The following GLIS3 variants were observed in gnomAD, a reference collection of about 807,000 sequenced individuals.
The protein encoded by GLIS3 is zinc finger protein GLIS3.
Under a neutral mutation model 78.6 loss-of-function variants are expected in GLIS3, and 53 were observed. The observed-to-expected ratio is 0.67, with a 90% CI of 0.54 to 0.85. GLIS3 has a LOEUF of 0.85. Ranked by LOEUF, GLIS3 falls within the 40% of genes least tolerant of loss-of-function variation. The probability of loss-of-function intolerance (pLI) is 0.00; values close to 1 mark genes in which losing one functional copy is unlikely to be tolerated. For synonymous variants in GLIS3, 684 were observed against 509.9 expected (o/e 1.34, Z -4.60); for missense variants, 1,703 against 1,231.1 (o/e 1.38, Z -5.74).
At chr9:4,338,998 A>C (rs1817796367) in intron 2 of GLIS3, among the ~76,000 whole-genome samples, 1 of 152,220 alleles carries the variant, frequency 6.6e-6, no homozygotes, top group South Asian at 2.1e-4. Flanking sequence ...CTTACCCTTA[A>C]AACTATGTTG....
intron 8 of GLIS3, among the ~76,000 whole-genome samples, chr9:3,869,322 A>T (rs1358815213): frequency 6.6e-6 from 1 of 152,146 alleles, no homozygotes; most frequent in Non-Finnish European, 1.5e-5. Context: ...AGATACCAAC[A>T]TCGCTGATTA....
At chr9:4,077,706 T>G (rs1828199480) in intron 4 of GLIS3, among the ~76,000 whole-genome samples, 1 of 152,012 alleles carries the variant, frequency 6.6e-6, no homozygotes, top group South Asian at 2.1e-4. Context: ...GGGGGGTAAG[T>G]GAAGGAAAGA....
the GLIS3 span, among the ~76,000 whole-genome samples, chr9:4,480,200 CTTT>C: frequency 2.1e-5 from 2 of 93,874 alleles, no homozygotes; most frequent in African/African-American, 4.6e-5. Context: ...GCTGGGCTTT[CTTT>C]TTTTTTTTTT....
chr9:4,306,894 G>A (rs1192607471), intron 4 of GLIS3, among the ~76,000 whole-genome samples: 3 of 152,202 alleles, frequency 2.0e-5, no homozygotes, highest in East Asian at 1.9e-4. Flanking sequence ...TGAATTTAGG[G>A]CCCAACAGTT....
At chr9:3,899,859 C>T (rs990911663) in intron 6 of GLIS3, among the ~76,000 whole-genome samples, 4 of 152,154 alleles carry the variant, frequency 2.6e-5, no homozygotes, top group African/African-American at 7.2e-5. Context: ...TATACAACCT[C>T]AGATGGTGAT....
intron 4 of GLIS3, among the ~76,000 whole-genome samples, chr9:4,059,829 TGAGAGAGAGAGAGA>T (rs1004608610): frequency 6.9e-4 from 69 of 100,710 alleles, no homozygotes; most frequent in South Asian, 2.8e-3. Context: ...TGTGTGTGTG[TGAGAGAGAGAGAGA>T]GAGAGAGAGA....
At chr9:4,148,933 C>T (rs1273061125) in intron 2 of GLIS3, among the ~76,000 whole-genome samples, 1 of 152,064 alleles carries the variant, frequency 6.6e-6, no homozygotes, top group East Asian at 1.9e-4. Context: ...AAAGCTCGTC[C>T]CTATCAACAG....
chr9:4,153,697 A>G (rs1834849224), intron 2 of GLIS3, among the ~76,000 whole-genome samples: 1 of 152,230 alleles, frequency 6.6e-6, no homozygotes, highest in Admixed American at 6.5e-5. Context: ...TGAGTGGATG[A>G]AAAGAGATCA....
chr9:4,275,427 C>A (rs1165351569), intron 2 of GLIS3, among the ~76,000 whole-genome samples: 2 of 151,982 alleles, frequency 1.3e-5, no homozygotes, highest in African/African-American at 4.8e-5. Context: ...GATCTAAGAC[C>A]GTGGGGTCCT....
chr9:4,251,577 C>A (rs570625624), intron 2 of GLIS3, among the ~76,000 whole-genome samples: 9 of 152,020 alleles, frequency 5.9e-5, no homozygotes, highest in Non-Finnish European at 1.0e-4. Context: ...TGCCAATCTG[C>A]GTCTAATTGG....
At chr9:4,285,140 T>C (rs549514016) in intron 2 of GLIS3, among the ~76,000 whole-genome samples, 2 of 152,202 alleles carry the variant, frequency 1.3e-5, no homozygotes, top group Non-Finnish European at 2.9e-5. Context: ...ATTTTTAACA[T>C]AAACATTTAA....
chr9:4,303,596 C>G (rs544173921), upstream of GLIS3, among the ~76,000 whole-genome samples: 1 of 152,262 alleles, frequency 6.6e-6, no homozygotes, highest in African/African-American at 2.4e-5. Context: ...CAACATCATA[C>G]CTCTTTTCCT....
At chr9:3,986,733 T>G (rs1470448864) in intron 4 of GLIS3, among the ~76,000 whole-genome samples, 1 of 152,146 alleles carries the variant, frequency 6.6e-6, no homozygotes, top group Non-Finnish European at 1.5e-5. Context: ...CCCAGCAGCA[T>G]CCAATAAACT....
intron 4 of GLIS3, among the ~76,000 whole-genome samples, chr9:3,982,419 A>G (rs1819376938): frequency 6.6e-6 from 1 of 151,986 alleles, no homozygotes; most frequent in Non-Finnish European, 1.5e-5. Flanking sequence ...GCTCATTACA[A>G]CTCTAGTCAT....
intron 4 of GLIS3, among the ~76,000 whole-genome samples, chr9:4,056,658 A>C (rs1826177572): frequency 6.6e-6 from 1 of 152,118 alleles, no homozygotes. Flanking sequence ...GAAAGGAGAA[A>C]AGAGAGACAA....
At chr9:4,270,402 G>A (rs1352683895) in intron 2 of GLIS3, among the ~76,000 whole-genome samples, 3 of 152,204 alleles carry the variant, frequency 2.0e-5, no homozygotes, top group African/African-American at 7.2e-5. Flanking sequence ...TCAGCAATCT[G>A]AGCATGGCTT....
the GLIS3 span, among the ~76,000 whole-genome samples, chr9:4,460,309 G>A: frequency 6.6e-6 from 1 of 152,134 alleles, no homozygotes; most frequent in Non-Finnish European, 1.5e-5. Context: ...ATTATAAAAT[G>A]GGGTTGAAAG....
chr9:4,401,127 G>C, the GLIS3 span, among the ~76,000 whole-genome samples: 1 of 152,208 alleles, frequency 6.6e-6, no homozygotes, highest in African/African-American at 2.4e-5. Flanking sequence ...CCTAAGTCCA[G>C]ACCTAGGCTC....
intron 6 of GLIS3, among the ~76,000 whole-genome samples, chr9:3,928,030 T>A (rs1825368571): frequency 6.6e-6 from 1 of 152,222 alleles, no homozygotes; most frequent in Non-Finnish European, 1.5e-5. Context: ...TGTCTCACCA[T>A]CATTTTGAGG....
Sources: allele counts gnomAD v4.1 joint callset (sites outside exome capture counted in the v4.1 genomes callset), GRCh38; gene constraint gnomAD v4.1.1; transcripts MANE v1.5; gene names NCBI Gene and HGNC (gene_info 2026-07-23, HGNC 2026-07-21).